Variants in GRIN2A observed in about 807,000 individuals in gnomAD.
GRIN2A encodes the protein glutamate receptor ionotropic, NMDA 2A.
GRIN2A carries 22 observed loss-of-function variants against 113.4 expected under a neutral mutation model. The observed-to-expected ratio is 0.19, with a 90% CI of 0.14 to 0.28. The LOEUF (loss-of-function observed/expected upper bound fraction) is 0.28. Among genes scored for constraint, GRIN2A ranks in the 10% least tolerant of loss-of-function variants. The pLI is 1.00. For synonymous variants in GRIN2A, 827 were observed against 738.4 expected (o/e 1.12, Z -1.94); for missense variants, 1,502 against 1,887.0 (o/e 0.80, Z 3.78).
At chr16:9,877,229 G>A (rs1293721562) in intron 4 of GRIN2A, among the ~76,000 whole-genome samples, 1 of 152,144 alleles carries the variant, frequency 6.6e-6, no homozygotes. Flanking sequence ...GAAATAATAA[G>A]TACAGAAGGC....
At chr16:10,113,111 C>CCCAG (rs1398754314) in intron 2 of GRIN2A, among the ~76,000 whole-genome samples, 5 of 152,066 alleles carry the variant, frequency 3.3e-5, no homozygotes, top group Non-Finnish European at 5.9e-5. Flanking sequence ...CGCCCCCCAG[C>CCCAG]CCAGCCAGCC....
At chr16:10,167,850 G>A (rs1259916373) in intron 2 of GRIN2A, among the ~76,000 whole-genome samples, 1 of 152,142 alleles carries the variant, frequency 6.6e-6, no homozygotes, top group Admixed American at 6.5e-5. Flanking sequence ...GGATGTGGGG[G>A]AATAGGAGAA....
At chr16:9,882,094 C>T (rs958062307) in intron 4 of GRIN2A, among the ~76,000 whole-genome samples, 2 of 152,058 alleles carry the variant, frequency 1.3e-5, no homozygotes, top group Admixed American at 6.6e-5. Flanking sequence ...AGCAAACTGA[C>T]ACTAACAACC....
chr16:9,967,458 C>G (rs2045578580), intron 2 of GRIN2A, among the ~76,000 whole-genome samples: 1 of 152,174 alleles, frequency 6.6e-6, no homozygotes, highest in South Asian at 2.1e-4. Flanking sequence ...GTAATCCCCG[C>G]ACTTTGGGAG....
At chr16:10,047,639 T>G (rs559269848) in intron 2 of GRIN2A, among the ~76,000 whole-genome samples, 1 of 152,300 alleles carries the variant, frequency 6.6e-6, no homozygotes, top group East Asian at 1.9e-4. Flanking sequence ...TGAATCCCAA[T>G]AGCCAGCACC....
At chr16:10,015,300 G>GAA (rs2046589963) in intron 2 of GRIN2A, among the ~76,000 whole-genome samples, 1 of 92,066 alleles carries the variant, frequency 1.1e-5, no homozygotes, top group Non-Finnish European at 2.3e-5. Flanking sequence ...GAAAGGAAAG[G>GAA]AAAAGAAAAA....
intron 2 of GRIN2A, among the ~76,000 whole-genome samples, chr16:10,096,539 A>AACACACACACACACACACACACAC (rs59351819): frequency 6.6e-4 from 91 of 137,744 alleles, no homozygotes; most frequent in Non-Finnish European, 9.0e-4. Flanking sequence ...ATTGTGGTAA[A>AACACACACACACACACACACACAC]ACACACACAC....
chr16:9,898,786 G>A (rs540226033), intron 3 of GRIN2A, among the ~76,000 whole-genome samples: 3 of 141,160 alleles, frequency 2.1e-5, no homozygotes, highest in African/African-American at 8.7e-5. Context: ...CATTTTCACA[G>A]AGTGTTTTTT....
chr16:9,837,542 A>G (rs1177666032), intron 7 of GRIN2A, among the ~76,000 whole-genome samples: 1 of 152,188 alleles, frequency 6.6e-6, no homozygotes, highest in Non-Finnish European at 1.5e-5. Flanking sequence ...AGCTCACTAA[A>G]GAGATACAAG....
At chr16:10,140,178 G>A (rs1195342389) in intron 2 of GRIN2A, among the ~76,000 whole-genome samples, 2 of 152,146 alleles carry the variant, frequency 1.3e-5, no homozygotes, top group African/African-American at 4.8e-5. Flanking sequence ...CTGTTGATCT[G>A]CATTTCTAAG....
At position 9,754,304 on chromosome 16, in the gene GRIN2A, TAAAG is replaced by T. The variant is rs1310802376; in HGVS notation, c.*8841_*8844del. The T allele has an allele frequency of 2.9e-5, 6 of 204,926 alleles. No homozygotes were observed. The highest frequency in any genetic ancestry group is 1.4e-4 in the African/African-American group (6 of 43,778). 12.7% of individuals were successfully genotyped at this position (204,926 alleles called of 1,614,324 possible). A position where few individuals can be genotyped will look rare whatever the true frequency, so the allele number is the denominator to read the frequency against. The stretch of plus-strand genomic sequence containing the variant: ...AAGATTCATAGTTAAAAACAACTGG[TAAAG>T]AAATCTTTGGGGACCCTCAGGTTTG... On this transcript the variant is annotated 3_prime_UTR_variant, in exon 13 of 13. Coordinates refer to ENST00000330684, the MANE Select transcript of GRIN2A (RefSeq NM_001134407.3).
intron 11 of GRIN2A, among the ~76,000 whole-genome samples, chr16:9,771,675 A>G (rs1201827309): frequency 1.3e-5 from 2 of 150,140 alleles, no homozygotes; most frequent in African/African-American, 4.9e-5. Context: ...AATCTTCTGC[A>G]GAATTATTTT....
intron 2 of GRIN2A, among the ~76,000 whole-genome samples, chr16:10,092,186 T>A (rs2048195372): frequency 6.6e-6 from 1 of 152,246 alleles, no homozygotes; most frequent in Non-Finnish European, 1.5e-5. Context: ...AGCCTCATTC[T>A]CTAAATAATT....
At chr16:10,007,905 A>C (rs933992353) in intron 2 of GRIN2A, among the ~76,000 whole-genome samples, 1 of 152,140 alleles carries the variant, frequency 6.6e-6, no homozygotes, top group African/African-American at 2.4e-5. Flanking sequence ...GGACAGTCTT[A>C]TTTGTATCTT....
intron 2 of GRIN2A, among the ~76,000 whole-genome samples, chr16:10,030,374 A>T (rs1378767546): frequency 6.6e-6 from 1 of 152,100 alleles, no homozygotes; most frequent in Non-Finnish European, 1.5e-5. Flanking sequence ...TGCACAGGTG[A>T]GACACTGCCT....
At chr16:10,016,049 G>A (rs837693) in intron 2 of GRIN2A, among the ~76,000 whole-genome samples, 86,942 of 149,648 alleles carry the variant, frequency 0.58, 25,522 homozygotes, top group Middle Eastern at 0.68. Context: ...CCAGGAGGTG[G>A]AGGTTGCAGT....
intron 2 of GRIN2A, among the ~76,000 whole-genome samples, chr16:9,985,828 G>A (rs2045969690): frequency 6.6e-6 from 1 of 152,066 alleles, no homozygotes; most frequent in Non-Finnish European, 1.5e-5. Flanking sequence ...GTACATTAAA[G>A]AGTAACAGAG....
chr16:10,008,675 C>T (rs1019755798), intron 2 of GRIN2A, among the ~76,000 whole-genome samples: 7 of 152,140 alleles, frequency 4.6e-5, no homozygotes, highest in South Asian at 2.1e-4. Context: ...ATGTTCAAGG[C>T]ATTTTTTGCA....
intron 2 of GRIN2A, among the ~76,000 whole-genome samples, chr16:9,957,550 ATGCACTGGG>A (rs2045335928): frequency 6.6e-6 from 1 of 152,328 alleles, no homozygotes; most frequent in South Asian, 2.1e-4. Context: ...TGTTCTCTGC[ATGCACTGGG>A]TGGCCAGAGT....
Sources: gnomAD v4.1 joint callset for allele counts (sites outside exome capture counted in the v4.1 genomes callset) on GRCh38, gnomAD v4.1.1 for gene constraint, MANE v1.5 for transcripts, NCBI Gene and HGNC (gene_info 2026-07-23, HGNC 2026-07-21) for gene names.